Variants in CCDC40 observed in about 807,000 individuals in gnomAD.
CCDC40 encodes coiled-coil domain-containing protein 40.
Under a neutral mutation model 124.5 loss-of-function variants are expected in CCDC40, and 104 were observed. That is an observed-to-expected ratio of 0.84 (90% confidence interval 0.71 to 0.98). The LOEUF is 0.98. CCDC40 is among the 50% of genes least tolerant of loss of function. CCDC40 has a pLI of 0.00. For synonymous variants in CCDC40, 580 were observed against 602.9 expected (o/e 0.96, Z 0.56); for missense variants, 1,463 against 1,503.9 (o/e 0.97, Z 0.45).
In CCDC40 at chr17:80,082,041, AAGG is replaced by A. The variant is rs1199851411; in HGVS notation, c.1975_1977del (p.Glu659del). 3.1e-6 allele frequency: 5 copies of A among 1,613,162 alleles called. No homozygotes were observed. In the South Asian group the frequency reaches 3.3e-5, roughly 11 times the overall value. On this transcript the variant is annotated inframe_deletion, in exon 12 of 20. Coordinates refer to ENST00000397545, the MANE Select transcript of CCDC40 (RefSeq NM_017950.4). Reference sequence around the variant, plus strand: ...CAACCAGCTCATCCTGAGGCTGCAGAAGGAGAAGACCAACATGGTAGGCCCCTG... The same window carrying A: ...CAACCAGCTCATCCTGAGGCTGCAGAAGAAGACCAACATGGTAGGCCCCTG...
In CCDC40 at chr17:80,065,532, G is replaced by C. The variant is rs774462299; in HGVS notation, c.1488G>C (p.Met496Ile). 1 of 1,613,106 alleles carries C rather than the reference G, an allele frequency of 6.2e-7. No homozygotes were observed. The highest frequency in any genetic ancestry group is 1.7e-5 in the Admixed American group (1 of 60,014). ...DAISVEKRRI[M>I]QQWASSLVGM... ...TCAGCGTGGAGAAGAGGCGCATCAT[G>C]CAGCAATGGGCCAGCAGCCTGGTGG... is the stretch of plus-strand genomic sequence containing the variant. Residue 496 changes from methionine (M) to isoleucine (I), a missense_variant, in exon 10 of 20, where the codon ATG (methionine) becomes ATC (isoleucine). Physicochemically the swap from Met to Ile is conservative, Grantham distance 10. Coordinates refer to ENST00000397545, the MANE Select transcript of CCDC40 (RefSeq NM_017950.4).
intron 19 of CCDC40, among the ~76,000 whole-genome samples, chr17:80,098,139 G>T (rs1567818680): frequency 6.6e-6 from 1 of 152,208 alleles, no homozygotes; most frequent in East Asian, 1.9e-4. Flanking sequence ...AACCACCCCA[G>T]GTGGACAGGA....
intron 10 of CCDC40, among the ~76,000 whole-genome samples, chr17:80,070,304 T>G (rs1210407755): frequency 2.0e-5 from 3 of 152,224 alleles, no homozygotes; most frequent in East Asian, 3.8e-4. Flanking sequence ...ATTAAAAATG[T>G]GCCCCCATGG....
At chr17:80,049,809 C>A in intron 5 of CCDC40, 97 bp from the exon 6 acceptor site, 1 of 971,790 alleles carries the variant, frequency 1.0e-6, no homozygotes, top group Non-Finnish European at 1.7e-6. Context: ...TCGTCTCTGG[C>A]CCACCGGAGG....
chr17:80,068,933 C>T (rs1006686135), intron 10 of CCDC40, among the ~76,000 whole-genome samples: 2 of 152,222 alleles, frequency 1.3e-5, no homozygotes, highest in African/African-American at 4.8e-5. Context: ...GGCTAGAGGG[C>T]GGAATGCCTG....
intron 10 of CCDC40, among the ~76,000 whole-genome samples, chr17:80,070,021 T>C (rs2038151002): frequency 1.3e-5 from 2 of 152,212 alleles, no homozygotes; most frequent in South Asian, 4.1e-4. Context: ...GTGATTTCAC[T>C]GTTTCCTGGG....
chr17:80,090,620 C>G, intron 17 of CCDC40: 1 of 1,468,694 alleles, frequency 6.8e-7, no homozygotes, highest in Non-Finnish European at 9.0e-7. Context: ...CAGTCTCACA[C>G]CACAGAAGGG....
chr17:80,100,420 C>T lies in CCDC40; in HGVS notation c.*645C>T, dbSNP rs2038900947. 1.3e-5 allele frequency: 2 copies of T among 155,322 alleles called. No individual in the cohort carries two copies. The highest frequency in any genetic ancestry group is 3.9e-4 in the South Asian group (2 of 5,100). The allele number at this position is 155,322 out of a possible 1,614,324, so 9.6% of individuals were successfully genotyped here. On this transcript the variant is annotated 3_prime_UTR_variant, in exon 20 of 20. Coordinates refer to ENST00000397545, the MANE Select transcript of CCDC40 (RefSeq NM_017950.4). ...AAATAAGAGCACGCTGGGGCGTCCA[C>T]ACCAAGGGACTACGCCCCAGTCTGC... is the stretch of plus-strand genomic sequence containing the variant.
chr17:80,048,234 T>G, intron 4 of CCDC40: 1 of 347,094 alleles, frequency 2.9e-6, no homozygotes, highest in Non-Finnish European at 5.6e-6. Context: ...CACTCCAGCC[T>G]GGGCAACAGA....
At position 80,089,786 on chromosome 17, in the gene CCDC40, A is replaced by G. The variant is rs756183009; in HGVS notation, c.2734A>G (p.Lys912Glu). The G allele has an allele frequency of 1.1e-5, 17 of 1,614,078 alleles. No individual in the cohort carries two copies. Among genetic ancestry groups the G allele is most frequent in the Middle Eastern group, 1.6e-4 (1 of 6,084 alleles). ...AAGACACCAGATTATGCTTTGGGAG[A>G]AAAAAATCCAACTGGCAAAAGAGAT... ...EAEHQIMLWEKKIQLAKEMRS... is the reference protein window; with the variant it reads ...EAEHQIMLWEEKIQLAKEMRS... Residue 912 changes from lysine (K) to glutamate (E), a missense_variant, in exon 17 of 20, where the codon AAA becomes GAA. Coordinates refer to ENST00000397545, the MANE Select transcript of CCDC40 (RefSeq NM_017950.4).
chr17:80,094,502 T>C (rs1240950051), intron 17 of CCDC40, among the ~76,000 whole-genome samples: 3 of 151,960 alleles, frequency 2.0e-5, no homozygotes, highest in African/African-American at 4.8e-5. Context: ...CGAGACCATC[T>C]TGGCCAACAT....
chr17:80,064,346 A>T (rs946921591), intron 9 of CCDC40, among the ~76,000 whole-genome samples: 10 of 152,124 alleles, frequency 6.6e-5, no homozygotes, highest in Non-Finnish European at 1.5e-4. Flanking sequence ...AGGACGCCCC[A>T]GTTGGCTGAC....
In CCDC40 at chr17:80,047,355, G is replaced by T. The variant is rs2037451367; in HGVS notation, c.629G>T (p.Ser210Ile). The change falls in exon 4 of 20, where the codon AGC becomes ATC. Residue 210 changes from serine (S) to isoleucine (I), a missense_variant. Physicochemically the swap from Ser to Ile is moderately radical, Grantham distance 142. Transcript: ENST00000397545. ...VQHRFRLSHG[S>I]DIESSDLEEF... is the part of the protein sequence containing the mutation. ...CACCGCTTCCGGCTGAGCCACGGGA[G>T]CGACATCGAGTCCTCAGACCTGGAG... 3 of 1,613,838 alleles carry T rather than the reference G, an allele frequency of 1.9e-6. No individual in the cohort carries two copies. Among genetic ancestry groups the T allele is most frequent in the Non-Finnish European group, 2.5e-6 (3 of 1,179,924 alleles).
chr17:80,054,236 T>C lies in CCDC40; in HGVS notation c.1159+3953T>C, dbSNP rs543132153. Among the ~76,000 whole-genome samples the C allele has an allele frequency of 3.9e-5, 6 of 152,276 alleles. No individual in the cohort carries two copies. The East Asian group carries it at 9.6e-4, about 24-fold the overall frequency. ...AAAGGAGATCATGCAAGTAACAGTG[T>C]TGGGAATGAGGACAACTTGGGGGAG... On this transcript the variant is annotated intron_variant, in intron 7 of 19. Coordinates refer to ENST00000397545, the MANE Select transcript of CCDC40 (RefSeq NM_017950.4).
At chr17:80,081,828 C>T (rs747335744) in intron 11 of CCDC40, 39 bp downstream of exon 11, 73 of 1,613,806 alleles carry the variant, frequency 4.5e-5, no homozygotes, top group Middle Eastern at 1.6e-4. Context: ...ACCTGGCGCA[C>T]GGTGGTGCCT....
At chr17:80,046,908 T>A (rs982951911) in intron 3 of CCDC40, among the ~76,000 whole-genome samples, 10 of 152,196 alleles carry the variant, frequency 6.6e-5, no homozygotes, top group African/African-American at 2.4e-4. Context: ...TGCAGTGCTG[T>A]GATCTCTGCT....
chr17:80,040,070 A>T lies in CCDC40; in HGVS notation c.352A>T (p.Ser118Cys). The change falls in exon 3 of 20, where the codon AGT becomes TGT. Residue 118 changes from serine to cysteine, a missense_variant. Transcript: ENST00000397545. ...SAADTTYPYF[S>C]PPQELPGEEA... ...TGCAGATACGACTTACCCGTATTTC[A>T]GTCCTCCTCAGGAACTGCCTGGAGA... 6.2e-7 allele frequency: 1 copy of T among 1,614,144 alleles called. No homozygotes were observed. The highest frequency in any genetic ancestry group is 1.7e-5 in the Admixed American group (1 of 60,030).
chr17:80,060,043 T>C (rs2037858396), intron 9 of CCDC40, among the ~76,000 whole-genome samples: 1 of 152,252 alleles, frequency 6.6e-6, no homozygotes, highest in African/African-American at 2.4e-5. Context: ...AAAACAATTC[T>C]GGAGTTTTAT....
intron 10 of CCDC40, among the ~76,000 whole-genome samples, chr17:80,081,025 G>T (rs1293726628): frequency 6.6e-6 from 1 of 152,132 alleles, no homozygotes; most frequent in Non-Finnish European, 1.5e-5. Context: ...AATATCGCAT[G>T]TACCTCTCAA....
Sources: allele counts gnomAD v4.1 joint callset (sites outside exome capture counted in the v4.1 genomes callset), GRCh38; gene constraint gnomAD v4.1.1; transcripts MANE v1.5; gene names NCBI Gene and HGNC (gene_info 2026-07-23, HGNC 2026-07-21).